Variants in RSRC2 observed in about 807,000 individuals in gnomAD.
RSRC2 encodes arginine and serine rich coiled-coil 2, also known as arginine/serine-rich coiled-coil protein 2.
Under a neutral mutation model 61.3 loss-of-function variants are expected in RSRC2, and 5 were observed. The ratio of observed to expected loss-of-function variants is 0.08; its 90% CI spans 0.04 to 0.17. The LOEUF is 0.17. Among genes scored for constraint, RSRC2 ranks in the 10% least tolerant of loss-of-function variants. The pLI is 1.00. For synonymous variants in RSRC2, 202 were observed against 166.5 expected, an observed-to-expected ratio of 1.21 and a Z score of -1.64; for missense variants, 381 against 518.8, an observed-to-expected ratio of 0.73 and a Z score of 2.58.
At chr12:122,525,136 G>C (rs1347541636) in intron 1 of RSRC2, among the ~76,000 whole-genome samples, 1 of 152,148 alleles carries the variant, frequency 6.6e-6, no homozygotes, top group Non-Finnish European at 1.5e-5. Context: ...CACTTTGGGA[G>C]GCCGAGGCGG....
Position 122,518,991 on chromosome 12 carries a change from T to C in RSRC2, c.246A>G (p.Lys82=). ...RHESKDKSSK[K]HKSEEHNDKE... ...TGTCATTATGTTCCTCAGACTTATG[T>C]TTCTTAGAGGATTTATCTTTGGATT... Residue 82 remains lysine, a synonymous_variant, in exon 4 of 10, where the codon AAA becomes AAG. Transcript: ENST00000331738. 6.2e-7 allele frequency: 1 copy of C among 1,613,816 alleles called. No homozygotes were observed. The highest frequency in any genetic ancestry group is 1.1e-5 in the South Asian group (1 of 91,082).
At chr12:122,509,347 G>A (rs532901643) in intron 7 of RSRC2, among the ~76,000 whole-genome samples, 2 of 152,102 alleles carry the variant, frequency 1.3e-5, no homozygotes, top group South Asian at 4.2e-4. Flanking sequence ...GTACTCAGGA[G>A]GCTGAGGCAG....
chr12:122,509,491 C>T lies in RSRC2; in HGVS notation c.806-1044G>A, dbSNP rs577210872. Among the ~76,000 whole-genome samples the T allele has an allele frequency of 1.9e-3, 288 of 151,152 alleles. 4 individuals carry two copies. The highest frequency in any genetic ancestry group is 6.7e-3 in the African/African-American group (275 of 41,250). ...ACAAAAACAAAAAAAAACCCAAAAA[C>T]AACAACAGTATGCAGGTATTATGCT... On this transcript the variant is annotated intron_variant, in intron 7 of 9. Coordinates refer to ENST00000331738, the MANE Select transcript of RSRC2 (RefSeq NM_023012.6).
chr12:122,524,690 G>A (rs1327905080), intron 1 of RSRC2, among the ~76,000 whole-genome samples: 1 of 152,094 alleles, frequency 6.6e-6, no homozygotes, highest in East Asian at 1.9e-4. Flanking sequence ...AATGATAGGT[G>A]GTCATTGAGG....
rs1386670432 is a variant in RSRC2 at position 122,525,817 on chromosome 12, T to A, written c.6+1031A>T. Among the ~76,000 whole-genome samples, 2 of 6,754 alleles carry A rather than the reference T, an allele frequency of 3.0e-4. 1 individual carries two copies. The highest frequency in any genetic ancestry group is 4.8e-3 in the African/African-American group (2 of 420). 4.4% of individuals were successfully genotyped at this position (6,754 alleles called of 152,430 possible). On this transcript the variant is annotated intron_variant, in intron 1 of 9. Transcript: ENST00000331738. ...CAACGAAGAGTTTTTTTTTTTTTTT[T>A]TTTTTTTTTTTTTTTTTTTTTTGAG...
At position 122,518,896 on chromosome 12, in the gene RSRC2, C is replaced by T. The variant is rs776250404; in HGVS notation, c.341G>A (p.Arg114His). 6.2e-6 allele frequency: 10 copies of T among 1,613,942 alleles called. No individual in the cohort carries two copies. The Admixed American group carries it at 6.7e-5, about 11-fold the overall frequency. The change falls in exon 4 of 10, where the codon CGC becomes CAC. Residue 114 changes from arginine (R) to histidine (H), a missense_variant. Arg to His is a conservative substitution (Grantham distance 29). Around this residue, in one of 4 missense-constraint regions of RSRC2, gnomAD observed 266 missense variants for 270.5 expected, o/e 0.98. Coordinates refer to ENST00000331738, the MANE Select transcript of RSRC2 (RefSeq NM_023012.6). Reference sequence around the variant, plus strand: ...GCCTCTTGATGACTTTCTTTCTTTGCGTTTGTGCCTGTCCTCACCATTTTC... The same window carrying T: ...GCCTCTTGATGACTTTCTTTCTTTGTGTTTGTGCCTGTCCTCACCATTTTC... Reference protein sequence around the residue: ...SSENGEDRHKRKERKSSRGRS... With the variant: ...SSENGEDRHKHKERKSSRGRS...
At chr12:122,515,932 T>G (rs1202993823) in intron 5 of RSRC2, among the ~76,000 whole-genome samples, 1 of 152,130 alleles carries the variant, frequency 6.6e-6, no homozygotes, top group Non-Finnish European at 1.5e-5. Flanking sequence ...GAGGTTGCAG[T>G]GAGCCAAGAT....
chr12:122,512,453 C>T (rs991959409), intron 6 of RSRC2, among the ~76,000 whole-genome samples: 5 of 152,104 alleles, frequency 3.3e-5, no homozygotes, highest in African/African-American at 9.7e-5. Flanking sequence ...GTCGGCCCGG[C>T]GCCACGCCTC....
At chr12:122,522,877 T>C (rs1959434548) in intron 1 of RSRC2, 1 of 152,262 alleles carries the variant, frequency 6.6e-6, no homozygotes, top group South Asian at 2.1e-4. Flanking sequence ...CTGCAAAATA[T>C]GGTCTGCCTC....
intron 4 of RSRC2, 56 bp from the exon 5 acceptor site, chr12:122,517,486 T>C (rs1959028780): frequency 6.2e-7 from 1 of 1,604,728 alleles, no homozygotes; most frequent in Non-Finnish European, 8.5e-7. Context: ...GTTTCATTTA[T>C]ACACATCATG....
intron 7 of RSRC2, among the ~76,000 whole-genome samples, chr12:122,509,244 C>T (rs542779622): frequency 2.0e-5 from 3 of 151,656 alleles, no homozygotes; most frequent in Non-Finnish European, 2.9e-5. Context: ...GTCAGGAGTT[C>T]GAGACCAGCC....
chr12:122,520,864 G>C, intron 3 of RSRC2: 1 of 247,366 alleles, frequency 4.0e-6, no homozygotes, highest in South Asian at 4.1e-5. Flanking sequence ...TTTTCCTCAA[G>C]TTTTGGTGTC....
chr12:122,514,686 A>T, intron 6 of RSRC2: 1 of 1,151,932 alleles, frequency 8.7e-7, no homozygotes, highest in Non-Finnish European at 1.1e-6. Flanking sequence ...TCTTCAAAAT[A>T]ATAATATTGA....
chr12:122,510,803 T>C (rs1958446939), intron 7 of RSRC2, among the ~76,000 whole-genome samples: 1 of 152,108 alleles, frequency 6.6e-6, no homozygotes, highest in Non-Finnish European at 1.5e-5. Context: ...TCCCAGCACT[T>C]TGGGAGGCTG....
intron 8 of RSRC2, among the ~76,000 whole-genome samples, chr12:122,507,692 C>T (rs1958203737): frequency 1.3e-5 from 2 of 150,106 alleles, no homozygotes; most frequent in Middle Eastern, 3.5e-3. Flanking sequence ...GACAGGGTCT[C>T]ACCCAGGCTG....
intron 1 of RSRC2, chr12:122,522,586 G>A (rs753890524): frequency 7.4e-6 from 2 of 268,978 alleles, no homozygotes; most frequent in Non-Finnish European, 1.4e-5. Flanking sequence ...GGAGGAATAA[G>A]GGCTCCAAGT....
chr12:122,525,183 G>A (rs574542102), intron 1 of RSRC2, among the ~76,000 whole-genome samples: 147 of 152,234 alleles, frequency 9.7e-4, no homozygotes, highest in African/African-American at 3.5e-3. Context: ...AGACCAGCCT[G>A]GCCGACGTGG....
intron 9 of RSRC2, 84 bp downstream of exon 9, chr12:122,506,750 G>A (rs1958140054): frequency 1.2e-6 from 1 of 832,432 alleles, no homozygotes; most frequent in Non-Finnish European, 2.0e-6. Context: ...CCTGAGTAAA[G>A]ACCAGAACTA....
chr12:122,522,211 G>A lies in RSRC2; in HGVS notation c.95C>T (p.Ser32Phe). Residue 32 changes from serine (S) to phenylalanine (F), a missense_variant, in exon 2 of 10, where the codon TCT becomes TTT. Transcript: ENST00000331738. Reference protein sequence around the residue: ...KKKEQSEVSVSPRASKHHYSR... With the variant: ...KKKEQSEVSVFPRASKHHYSR... ...ATAATGATGTTTTGAAGCTCTAGGA[G>A]AAACAGATACTTCTGACTGCTCTTT... The A allele has an allele frequency of 1.2e-6, 2 of 1,614,024 alleles. No homozygotes were observed. The highest frequency in any genetic ancestry group is 1.7e-6 in the Non-Finnish European group (2 of 1,179,954).
Sources: allele counts gnomAD v4.1 joint callset (sites outside exome capture counted in the v4.1 genomes callset), GRCh38; gene constraint gnomAD v4.1.1; regional missense constraint gnomAD v4.1.1; transcripts MANE v1.5; gene names NCBI Gene and HGNC (gene_info 2026-07-23, HGNC 2026-07-21).